Variants in HNF4G observed in about 807,000 individuals in gnomAD.
HNF4G encodes the protein hepatocyte nuclear factor 4-gamma.
HNF4G carries 21 observed loss-of-function variants against 50.9 expected under a neutral mutation model. The ratio of observed to expected loss-of-function variants is 0.41; its 90% CI spans 0.29 to 0.59. The LOEUF (loss-of-function observed/expected upper bound fraction) is 0.59. Ranked by LOEUF, HNF4G falls within the 20% of genes least tolerant of loss-of-function variation. The probability of loss-of-function intolerance (pLI) is 0.26; values close to 1 mark genes in which losing one functional copy is unlikely to be tolerated. For missense variants in HNF4G, 527 were observed against 559.4 expected (o/e 0.94, Z 0.58); for synonymous variants, 198 against 185.6 (o/e 1.07, Z -0.54).
Position 75,463,824 on chromosome 8 carries a change from G to C in HNF4G, c.-143-26265G>C, listed in dbSNP as rs893385763. ...AATTTTGTTCTTGTTGCCCAGGCTG[G>C]AGTACAATGGCATGATCTTGGCTCA... On this transcript the variant is annotated intron_variant, in intron 1 of 10. Coordinates refer to the HNF4G transcript ENST00000354370. 1.3e-4 allele frequency among the ~76,000 whole-genome samples: 19 copies of C among 149,642 alleles called. No homozygotes were observed. The Admixed American group carries it at 1.3e-3, about 10-fold the overall frequency.
chr8:75,480,717 C>CTTTTTTTTTTTT lies in HNF4G; in HGVS notation c.-143-9369_-143-9368insTTTTTTTTTTTT, dbSNP rs748221253. Reference sequence around the variant, plus strand: ...CTGGATCTCATTTCTTTTTCTTTTTCTTTCTTTTTTTTTTTTTTTGAGACA... The same window carrying CTTTTTTTTTTTT: ...CTGGATCTCATTTCTTTTTCTTTTTCTTTTTTTTTTTTTTTCTTTTTTTTTTTTTTTGAGACA... On this transcript the variant is annotated intron_variant, in intron 1 of 10. Transcript: ENST00000354370. Among the ~76,000 whole-genome samples, 5 of 123,918 alleles carry CTTTTTTTTTTTT rather than the reference C, an allele frequency of 4.0e-5. 1 individual carries two copies. Among genetic ancestry groups the CTTTTTTTTTTTT allele is most frequent in the Non-Finnish European group, 4.9e-5 (3 of 61,416 alleles). 81.3% of individuals were successfully genotyped at this position (123,918 alleles called of 152,430 possible).
Position 75,556,044 on chromosome 8 carries a change from G to T in HNF4G, c.708G>T (p.Met236Ile). Residue 236 changes from methionine to isoleucine, a missense_variant, in exon 6 of 10, where the codon ATG becomes ATT. Physicochemically the swap from Met to Ile is conservative, Grantham distance 10. Coordinates refer to ENST00000396423, the MANE Select transcript of HNF4G (RefSeq NM_004133.5). ...TGCTTGGAGCTACAAAGAGATCCAT[G>T]ATGTATAAAGATATTTTGCTTTTGG... The part of the protein sequence containing the change: ...HLLLGATKRS[M>I]MYKDILLLGN... The T allele has an allele frequency of 6.4e-7, 1 of 1,571,996 alleles. No homozygotes were observed. The highest frequency in any genetic ancestry group is 1.2e-5 in the South Asian group (1 of 84,508).
Position 75,470,454 on chromosome 8 carries a change from T to C in HNF4G, c.-143-19635T>C, listed in dbSNP as rs553858201. Among the ~76,000 whole-genome samples the C allele has an allele frequency of 5.6e-4, 86 of 152,322 alleles. No homozygotes were observed. In the South Asian group the frequency reaches 6.4e-3, roughly 11 times the overall value. Reference sequence around the variant, plus strand: ...TATTATAAAAATTAATTTTGCTGTTTCTCTCCCCCCACAGATTGTTCATTC... The same window carrying C: ...TATTATAAAAATTAATTTTGCTGTTCCTCTCCCCCCACAGATTGTTCATTC... On this transcript the variant is annotated intron_variant, in intron 1 of 10. Coordinates refer to the HNF4G transcript ENST00000354370.
intron 8 of HNF4G, among the ~76,000 whole-genome samples, chr8:75,559,872 A>G (rs1807255915): frequency 6.6e-6 from 1 of 152,220 alleles, no homozygotes; most frequent in Non-Finnish European, 1.5e-5. Flanking sequence ...AATACATGTC[A>G]GGAATAAGTT....
At chr8:75,509,207 C>T (rs1358778473) in intron 2 of HNF4G, among the ~76,000 whole-genome samples, 1 of 152,166 alleles carries the variant, frequency 6.6e-6, no homozygotes, top group African/African-American at 2.4e-5. Context: ...TTCTAGTGTG[C>T]TCTAGATGGC....
intron 1 of HNF4G, among the ~76,000 whole-genome samples, chr8:75,438,916 T>C (rs985687473): frequency 1.3e-5 from 2 of 152,062 alleles, no homozygotes; most frequent in Non-Finnish European, 2.9e-5. Flanking sequence ...CACTTTGATT[T>C]TTTTTCTCCA....
At chr8:75,508,550 C>T (rs1805663134) in intron 2 of HNF4G, among the ~76,000 whole-genome samples, 1 of 152,072 alleles carries the variant, frequency 6.6e-6, no homozygotes. Flanking sequence ...GCTATTGAAA[C>T]CTCGTTTTTT....
intron 2 of HNF4G, among the ~76,000 whole-genome samples, chr8:75,528,395 A>AT (rs1806238373): frequency 6.6e-6 from 1 of 152,140 alleles, no homozygotes; most frequent in South Asian, 2.1e-4. Flanking sequence ...AATGAAACAT[A>AT]TTTTCTCTAC....
rs1051617964 is a variant in HNF4G at position 75,561,519 on chromosome 8, T to G, written c.1246+1053T>G. On this transcript the variant is annotated intron_variant, in intron 9 of 9. Transcript: ENST00000396423. The stretch of plus-strand genomic sequence containing the variant: ...CACAGCCACCGTATGCAGTTTGTTT[T>G]CCATGCCTGAACTGAATAGAAGATG... Among the ~76,000 whole-genome samples the G allele has an allele frequency of 2.6e-5, 4 of 152,324 alleles. No homozygotes were observed. The East Asian group carries it at 7.7e-4, about 29-fold the overall frequency.
chr8:75,503,200 A>G (rs1585901514), intron 2 of HNF4G, among the ~76,000 whole-genome samples: 1 of 152,202 alleles, frequency 6.6e-6, no homozygotes, highest in Admixed American at 6.5e-5. Context: ...TTGACATTAG[A>G]TAGCCCTGTG....
intron 1 of HNF4G, among the ~76,000 whole-genome samples, chr8:75,444,994 C>G (rs1478876679): frequency 6.7e-6 from 1 of 150,198 alleles, no homozygotes; most frequent in Non-Finnish European, 1.5e-5. Context: ...CAGCACCACA[C>G]CACACCTATT....
At chr8:75,425,259 A>G (rs1277417436) in intron 1 of HNF4G, among the ~76,000 whole-genome samples, 2 of 151,520 alleles carry the variant, frequency 1.3e-5, no homozygotes, top group African/African-American at 4.8e-5. Context: ...TAATTTTTGT[A>G]CTTCAGTGGA....
intron 4 of HNF4G, among the ~76,000 whole-genome samples, chr8:75,551,824 A>G (rs1020869212): frequency 6.6e-6 from 1 of 152,234 alleles, no homozygotes; most frequent in Admixed American, 6.5e-5. Flanking sequence ...GAATCTGTAC[A>G]ACCAGCTACC....
rs73690951 is a variant in HNF4G, at chr8:75,532,923, G to A, written c.-23-10888G>A. 5.0e-3 allele frequency among the ~76,000 whole-genome samples: 761 copies of A among 151,904 alleles called. 13 individuals carry two copies. The highest frequency in any genetic ancestry group is 0.018 in the African/African-American group (736 of 41,460). The stretch of plus-strand genomic sequence containing the variant: ...TTCATGGATCCTGTAGAAAAACAAT[G>A]GTTCAGCTATTTGTCTCTTTATACA... On this transcript the variant is annotated intron_variant, in intron 2 of 10. Transcript: ENST00000354370.
chr8:75,436,353 A>G (rs1416191638), intron 1 of HNF4G, among the ~76,000 whole-genome samples: 1 of 152,222 alleles, frequency 6.6e-6, no homozygotes, highest in African/African-American at 2.4e-5. Context: ...AAAAAGTGGG[A>G]CAAGGAAAGA....
At chr8:75,409,751 T>C (rs1810455281) in intron 1 of HNF4G, among the ~76,000 whole-genome samples, 1 of 152,088 alleles carries the variant, frequency 6.6e-6, no homozygotes, top group South Asian at 2.1e-4. Flanking sequence ...CATCCCAAAG[T>C]GCTGGGATTG....
chr8:75,409,746 C>G lies in HNF4G; in HGVS notation c.-144+1584C>G, dbSNP rs139854117. ...TCGTGATCTGCCCGTCTTGACATCC[C>G]AAAGTGCTGGGATTGTAGGAGTGAG... On this transcript the variant is annotated intron_variant, in intron 1 of 10. Transcript: ENST00000354370. 2.4e-3 allele frequency among the ~76,000 whole-genome samples: 366 copies of G among 152,126 alleles called. 1 individual carries two copies. The highest frequency in any genetic ancestry group is 8.2e-3 in the African/African-American group (342 of 41,508).
chr8:75,441,740 A>T (rs543992585), intron 1 of HNF4G, among the ~76,000 whole-genome samples: 1 of 152,340 alleles, frequency 6.6e-6, no homozygotes, highest in African/African-American at 2.4e-5. Flanking sequence ...AAGTTTCTAA[A>T]TGCTTGCTCT....
chr8:75,512,988 T>G (rs1805797228), intron 2 of HNF4G, among the ~76,000 whole-genome samples: 1 of 152,162 alleles, frequency 6.6e-6, no homozygotes, highest in Non-Finnish European at 1.5e-5. Context: ...ATAAAACTTC[T>G]TTAGCTTGGA....
Sources: gnomAD v4.1 joint callset for allele counts (sites outside exome capture counted in the v4.1 genomes callset) on GRCh38, gnomAD v4.1.1 for gene constraint, MANE v1.5 for transcripts, NCBI Gene and HGNC (gene_info 2026-07-23, HGNC 2026-07-21) for gene names.